The following GRM7 variants were observed in gnomAD, a reference collection of about 807,000 sequenced individuals.
The protein encoded by GRM7 is glutamate metabotropic receptor 7.
A neutral mutation model predicts 84.5 loss-of-function variants in GRM7; 35 were observed. The ratio of observed to expected loss-of-function variants is 0.41; its 90% CI spans 0.32 to 0.55. GRM7 has a LOEUF of 0.55. Ranked by LOEUF, GRM7 falls within the 20% of genes least tolerant of loss-of-function variation. The pLI, the probability that GRM7 is intolerant of heterozygous loss-of-function variation, is 0.19. For missense variants in GRM7, 1,003 were observed against 1,194.6 expected, an observed-to-expected ratio of 0.84 and a Z score of 2.36; for synonymous variants, 487 against 455.1, an observed-to-expected ratio of 1.07 and a Z score of -0.89.
intron 5 of GRM7, among the ~76,000 whole-genome samples, chr3:7,420,665 C>A (rs1440544217): frequency 3.3e-5 from 5 of 152,134 alleles, no homozygotes; most frequent in African/African-American, 1.2e-4. Context: ...CTTAAATCTT[C>A]CCCTACCTAC....
intron 1 of GRM7, among the ~76,000 whole-genome samples, chr3:7,088,918 T>TA (rs1214500648): frequency 1.1e-4 from 16 of 152,146 alleles, no homozygotes; most frequent in African/African-American, 3.9e-4. Context: ...AGGGTATACA[T>TA]ACAGCTGTCC....
chr3:7,338,530 TA>T (rs1559248012), intron 4 of GRM7, among the ~76,000 whole-genome samples: 1 of 151,896 alleles, frequency 6.6e-6, no homozygotes, highest in Admixed American at 6.6e-5. Context: ...ATACTAACCT[TA>T]AAAAAAGACA....
At chr3:6,967,537 A>T (rs1177835126) in intron 1 of GRM7, among the ~76,000 whole-genome samples, 1 of 152,216 alleles carries the variant, frequency 6.6e-6, no homozygotes, top group African/African-American at 2.4e-5. Context: ...TGTTTCACAC[A>T]ATATCTTCTT....
At chr3:7,134,065 G>T (rs759412541) in intron 1 of GRM7, among the ~76,000 whole-genome samples, 1 of 152,050 alleles carries the variant, frequency 6.6e-6, no homozygotes, top group Non-Finnish European at 1.5e-5. Flanking sequence ...TAAGCAAATA[G>T]CACCAGACAA....
Position 7,567,285 on chromosome 3 carries a change from G to A in GRM7, c.1516-11137G>A, listed in dbSNP as rs149890647. On this transcript the variant is annotated intron_variant, in intron 7 of 9. Transcript: ENST00000357716. ...TTAAATCATAATAGAGTATAACTAA[G>A]CATTTTAGGTGCCCCATTCAGACTT... Among the ~76,000 whole-genome samples the A allele has an allele frequency of 7.2e-5, 11 of 152,268 alleles. No individual in the cohort carries two copies. In the East Asian group the frequency reaches 2.1e-3, roughly 29 times the overall value.
At chr3:7,227,848 C>T (rs941261558) in intron 2 of GRM7, among the ~76,000 whole-genome samples, 1 of 152,086 alleles carries the variant, frequency 6.6e-6, no homozygotes, top group African/African-American at 2.4e-5. Context: ...GAGAGGAAGG[C>T]AACATAATGG....
At chr3:7,478,787 A>T (rs920231690) in intron 7 of GRM7, among the ~76,000 whole-genome samples, 5 of 152,166 alleles carry the variant, frequency 3.3e-5, no homozygotes, top group Non-Finnish European at 7.4e-5. Context: ...GTACATGACT[A>T]GTTATTATTC....
intron 1 of GRM7, among the ~76,000 whole-genome samples, chr3:6,871,944 C>T (rs1417403065): frequency 1.3e-5 from 2 of 151,856 alleles, no homozygotes; most frequent in Admixed American, 6.6e-5. Context: ...ATCCCCAAAC[C>T]ATTGAGGCAT....
At chr3:6,902,691 G>C (rs1696431086) in intron 1 of GRM7, among the ~76,000 whole-genome samples, 1 of 152,116 alleles carries the variant, frequency 6.6e-6, no homozygotes, top group East Asian at 1.9e-4. Flanking sequence ...TGTCTAGCCA[G>C]ATCTGCAGAC....
intron 1 of GRM7, among the ~76,000 whole-genome samples, chr3:6,957,985 C>T (rs1470294962): frequency 1.3e-5 from 2 of 152,078 alleles, no homozygotes; most frequent in East Asian, 3.9e-4. Flanking sequence ...ATCAGGGGAA[C>T]ACAGAAGGAT....
rs147759101 is a variant in GRM7 at position 7,240,354 on chromosome 3, T to C, written c.737-58330T>C. On this transcript the variant is annotated intron_variant, in intron 2 of 9. Transcript: ENST00000357716. ...TCATGGCCTGGAATTGTTTTTTTTT[T>C]AATCAGAAATCTCCTAATTTTAAAA... Among the ~76,000 whole-genome samples the C allele has an allele frequency of 1.2e-4, 18 of 151,984 alleles. No individual in the cohort carries two copies. In the East Asian group the frequency reaches 3.5e-3, roughly 29 times the overall value.
intron 1 of GRM7, among the ~76,000 whole-genome samples, chr3:7,125,028 C>T (rs1009746840): frequency 6.6e-6 from 1 of 152,148 alleles, no homozygotes; most frequent in Admixed American, 6.5e-5. Flanking sequence ...CAACCTCCGC[C>T]ACCTGGGTTC....
At chr3:7,703,138 A>G (rs1006955232) in intron 9 of GRM7, among the ~76,000 whole-genome samples, 1 of 152,130 alleles carries the variant, frequency 6.6e-6, no homozygotes, top group Non-Finnish European at 1.5e-5. Context: ...ATCTAATGTC[A>G]GCTAGAACTG....
rs190691116 is a variant in GRM7 at position 6,883,967 on chromosome 3, C to T, written c.519+22060C>T. On this transcript the variant is annotated intron_variant, in intron 1 of 9. Transcript: ENST00000357716. ...CAAGGTCTGGAGACATGGAACTCCC[C>T]CTATAGCCATTAAAGTCAGTGTGAG... Among the ~76,000 whole-genome samples, 18 of 152,254 alleles carry T rather than the reference C, an allele frequency of 1.2e-4. 1 individual carries two copies. Among genetic ancestry groups the T allele is most frequent in the Admixed American group, 7.2e-4 (11 of 15,288 alleles).
At chr3:7,020,770 T>C (rs1396157468) in intron 1 of GRM7, among the ~76,000 whole-genome samples, 1 of 152,226 alleles carries the variant, frequency 6.6e-6, no homozygotes, top group Non-Finnish European at 1.5e-5. Context: ...ATCAAATTTT[T>C]TTAGAGTTCC....
intron 7 of GRM7, among the ~76,000 whole-genome samples, chr3:7,512,960 A>G (rs1232284905): frequency 6.6e-6 from 1 of 152,204 alleles, no homozygotes; most frequent in African/African-American, 2.4e-5. Context: ...GTTTAGCATA[A>G]TAGAAAATCA....
chr3:7,034,852 A>G (rs1696327025), intron 1 of GRM7, among the ~76,000 whole-genome samples: 1 of 152,174 alleles, frequency 6.6e-6, no homozygotes, highest in Non-Finnish European at 1.5e-5. Flanking sequence ...AAGTGTTGCA[A>G]TGTTAGTTCC....
chr3:7,649,887 C>T (rs561273323), intron 8 of GRM7, among the ~76,000 whole-genome samples: 1 of 151,866 alleles, frequency 6.6e-6, no homozygotes, highest in South Asian at 2.1e-4. Flanking sequence ...ATGTTCAAAG[C>T]CAATATGAGT....
intron 1 of GRM7, among the ~76,000 whole-genome samples, chr3:7,121,632 C>G (rs192347483): frequency 7.9e-5 from 12 of 152,246 alleles, no homozygotes; most frequent in Non-Finnish European, 1.5e-4. Flanking sequence ...GAAAGATTAA[C>G]TCATTCTCAA....
Sources: gnomAD v4.1 joint callset for allele counts (sites outside exome capture counted in the v4.1 genomes callset) on GRCh38, gnomAD v4.1.1 for gene constraint, MANE v1.5 for transcripts, NCBI Gene and HGNC (gene_info 2026-07-23, HGNC 2026-07-21) for gene names.